SLCO3A1: variants seen among roughly 807,000 people sequenced by gnomAD.
The protein encoded by SLCO3A1 is solute carrier organic anion transporter family member 3A1, also known as PGE1 transporter.
SLCO3A1 carries 27 observed loss-of-function variants against 63.1 expected under a neutral mutation model. The observed-to-expected ratio is 0.43, with a 90% confidence interval of 0.32 to 0.59. The LOEUF is 0.59. Ranked by LOEUF, SLCO3A1 falls within the 20% of genes least tolerant of loss-of-function variation. The pLI, the probability that SLCO3A1 is intolerant of heterozygous loss-of-function variation, is 0.09. For missense variants in SLCO3A1, 773 were observed against 945.8 expected, an observed-to-expected ratio of 0.82 and a Z score of 2.40; for synonymous variants, 473 against 409.9, an observed-to-expected ratio of 1.15 and a Z score of -1.86.
At chr15:91,951,858 T>G (rs1174830785) in intron 2 of SLCO3A1, among the ~76,000 whole-genome samples, 1 of 152,182 alleles carries the variant, frequency 6.6e-6, no homozygotes, top group Non-Finnish European at 1.5e-5. Context: ...CCCGGCCTTG[T>G]GTATAATTTT....
rs1044027856 is a variant in SLCO3A1 at position 91,882,954 on chromosome 15, G to A, written c.180+28866G>A. Among the ~76,000 whole-genome samples, 11 of 152,178 alleles carry A rather than the reference G, an allele frequency of 7.2e-5. No homozygotes were observed. The highest frequency in any genetic ancestry group is 1.2e-4 in the Non-Finnish European group (8 of 68,036). On this transcript the variant is annotated intron_variant, in intron 1 of 9. Coordinates refer to ENST00000318445, the MANE Select transcript of SLCO3A1 (RefSeq NM_013272.4). This position sits in a 1 kb window ranked among gnomAD's most constrained non-coding sequence, Gnocchi z 4.4. ...TATCACCTTGTTCTTTAAGAAGTTG[G>A]TTGGGCTGCTCTATTAATGCCCAGT...
At chr15:91,868,354 CT>C (rs72068160) in intron 1 of SLCO3A1, among the ~76,000 whole-genome samples, 67,960 of 104,774 alleles carry the variant, frequency 0.65, 21,706 homozygotes, top group East Asian at 0.84. Flanking sequence ...ACCCAGCCGG[CT>C]TTTTTTTTTT....
intron 2 of SLCO3A1, among the ~76,000 whole-genome samples, chr15:92,076,135 C>G (rs912546384): frequency 6.6e-6 from 1 of 152,208 alleles, no homozygotes; most frequent in African/African-American, 2.4e-5. Flanking sequence ...GCCGTGTCCC[C>G]CTTAGTGATA....
At chr15:92,040,272 G>A (rs1387412538) in intron 2 of SLCO3A1, among the ~76,000 whole-genome samples, 1 of 152,122 alleles carries the variant, frequency 6.6e-6, no homozygotes, top group East Asian at 1.9e-4. Flanking sequence ...TACTAATTTT[G>A]CATCTGTCAC....
intron 2 of SLCO3A1, among the ~76,000 whole-genome samples, chr15:91,931,788 A>AACACAC (rs112525299): frequency 0.068 from 9,756 of 144,102 alleles, 368 homozygotes; most frequent in African/African-American, 0.09. Flanking sequence ...TAAGTGTGGA[A>AACACAC]ACACACACAC....
chr15:92,095,427 G>A (rs2151537393), intron 3 of SLCO3A1, among the ~76,000 whole-genome samples: 1 of 152,300 alleles, frequency 6.6e-6, no homozygotes, highest in East Asian at 1.9e-4. Context: ...TGTACAAACG[G>A]GGTCAATGAG....
chr15:91,963,544 C>T (rs904530248), intron 2 of SLCO3A1, among the ~76,000 whole-genome samples: 1 of 152,134 alleles, frequency 6.6e-6, no homozygotes, highest in African/African-American at 2.4e-5. Flanking sequence ...GATTTTATTG[C>T]AGTAGATATT....
At chr15:91,983,532 ACTGAAATCCATCAGAACGAAGCATGAGG>A (rs1555421171) in intron 2 of SLCO3A1, among the ~76,000 whole-genome samples, 1 of 152,198 alleles carries the variant, frequency 6.6e-6, no homozygotes, top group Non-Finnish European at 1.5e-5. Flanking sequence ...CAGATTGAGA[ACTGAAATCCATCAGAACGAAGCATGAGG>A]CTGAATTTCT....
intron 2 of SLCO3A1, among the ~76,000 whole-genome samples, chr15:92,078,508 C>T (rs2047306042): frequency 6.6e-6 from 1 of 152,216 alleles, no homozygotes; most frequent in Non-Finnish European, 1.5e-5. Flanking sequence ...TACACAGCCA[C>T]ACCACTGACT....
intron 9 of SLCO3A1, among the ~76,000 whole-genome samples, chr15:92,155,454 G>A (rs768882): frequency 0.52 from 78,657 of 151,980 alleles, 21,231 homozygotes; most frequent in East Asian, 0.86. Context: ...GTGTGGGGTT[G>A]GAAGAGTTAC....
At chr15:92,055,200 T>C (rs1339334081) in intron 2 of SLCO3A1, among the ~76,000 whole-genome samples, 1 of 152,220 alleles carries the variant, frequency 6.6e-6, no homozygotes, top group East Asian at 1.9e-4. Flanking sequence ...CTCTAATCAG[T>C]GATGTTGAGC....
chr15:92,030,810 G>A lies in SLCO3A1; in HGVS notation c.647-64071G>A, dbSNP rs139089597. On this transcript the variant is annotated intron_variant, in intron 2 of 9. Transcript: ENST00000318445. ...TTAGCGCTCGCATTCTAAGTACACC[G>A]GTGAGTACACTACTGAACTACGTGT... Among the ~76,000 whole-genome samples, 8 of 152,246 alleles carry A rather than the reference G, an allele frequency of 5.3e-5. No homozygotes were observed. The South Asian group carries it at 6.2e-4, about 12-fold the overall frequency.
intron 4 of SLCO3A1, among the ~76,000 whole-genome samples, chr15:92,105,784 C>T (rs888963151): frequency 1.4e-4 from 21 of 152,188 alleles, no homozygotes; most frequent in Non-Finnish European, 2.8e-4. Context: ...TGGTCAGTCC[C>T]CTCTGTGCAG....
At chr15:92,080,090 T>A (rs2047324572) in intron 2 of SLCO3A1, among the ~76,000 whole-genome samples, 1 of 152,226 alleles carries the variant, frequency 6.6e-6, no homozygotes, top group Admixed American at 6.5e-5. Flanking sequence ...GATGCCTCTT[T>A]CAGCTAGGTT....
At chr15:92,053,825 G>C (rs965493854) in intron 2 of SLCO3A1, among the ~76,000 whole-genome samples, 1 of 151,954 alleles carries the variant, frequency 6.6e-6, no homozygotes, top group South Asian at 2.1e-4. Flanking sequence ...CTTATCACTG[G>C]GGGTATTGGC....
At chr15:91,972,418 G>A (rs567858874) in intron 2 of SLCO3A1, among the ~76,000 whole-genome samples, 3 of 152,214 alleles carry the variant, frequency 2.0e-5, no homozygotes, top group South Asian at 4.2e-4. Flanking sequence ...CCAGAGAGGT[G>A]CCTCGCCCTC....
intron 1 of SLCO3A1, among the ~76,000 whole-genome samples, chr15:91,888,775 T>A (rs1392418798): frequency 6.6e-6 from 1 of 151,932 alleles, no homozygotes; most frequent in African/African-American, 2.4e-5. Context: ...TTGAGGCCAG[T>A]AGTTAGATAC....
intron 1 of SLCO3A1, among the ~76,000 whole-genome samples, chr15:91,861,373 G>C (rs1388900307): frequency 6.6e-6 from 1 of 152,096 alleles, no homozygotes; most frequent in Non-Finnish European, 1.5e-5. Flanking sequence ...TCTTTATTTC[G>C]GTTCTTCTTT....
At chr15:92,044,110 C>T (rs897221940) in intron 2 of SLCO3A1, among the ~76,000 whole-genome samples, 11 of 152,170 alleles carry the variant, frequency 7.2e-5, no homozygotes, top group African/African-American at 2.7e-4. Flanking sequence ...TTCTTAGGAT[C>T]TAGAGTCAGC....
Sources: allele counts gnomAD v4.1 joint callset (sites outside exome capture counted in the v4.1 genomes callset), GRCh38; gene constraint gnomAD v4.1.1; non-coding constraint Gnocchi (gnomAD v3.1); transcripts MANE v1.5; gene names NCBI Gene and HGNC (gene_info 2026-07-23, HGNC 2026-07-21).